Variants in HPSE2 observed in about 807,000 individuals in gnomAD.
HPSE2 encodes heparanase 2 (inactive), also known as inactive heparanase-2.
Under a neutral mutation model 60.5 loss-of-function variants are expected in HPSE2, and 38 were observed. The observed-to-expected ratio is 0.63, with a 90% CI of 0.48 to 0.82. The LOEUF (loss-of-function observed/expected upper bound fraction) is 0.82. Among genes scored for constraint, HPSE2 ranks in the 40% least tolerant of loss-of-function variants. The probability of loss-of-function intolerance (pLI) is 0.00; values close to 1 mark genes in which losing one functional copy is unlikely to be tolerated. For missense variants in HPSE2, 713 were observed against 740.4 expected (o/e 0.96, Z 0.43); for synonymous variants, 295 against 293.2 (o/e 1.01, Z -0.06).
intron 9 of HPSE2, among the ~76,000 whole-genome samples, chr10:98,550,780 A>AT (rs905479034): frequency 9.7e-5 from 14 of 145,048 alleles, no homozygotes; most frequent in South Asian, 2.2e-4. Flanking sequence ...GGCCTCTTAA[A>AT]TTTTTTTTTG....
chr10:98,744,969 G>A (rs964240234), intron 3 of HPSE2, among the ~76,000 whole-genome samples: 7 of 152,194 alleles, frequency 4.6e-5, no homozygotes, highest in Non-Finnish European at 4.4e-5. Context: ...TTGGGAGGCC[G>A]AGGCGGGTGG....
At chr10:98,945,416 T>C (rs1038001013) in intron 3 of HPSE2, among the ~76,000 whole-genome samples, 2 of 152,176 alleles carry the variant, frequency 1.3e-5, no homozygotes, top group African/African-American at 4.8e-5. Context: ...CTACTTATCA[T>C]ATTTGTAGAT....
the HPSE2 span, among the ~76,000 whole-genome samples, chr10:99,296,331 G>A: frequency 1.3e-5 from 2 of 152,128 alleles, no homozygotes; most frequent in East Asian, 1.9e-4. Context: ...ACAGGGCCAG[G>A]GTGGAAGCAG....
rs1554950578 is a variant in HPSE2, at chr10:98,600,926, T to TATATATATATATATAAA, written c.1320+13977_1320+13978insTTTATATATATATATAT. ...ATGTGTGTGTGTATATATATATATATATATATATATATATAGAAAGAGAGA... is the reference window on the plus strand; with the variant it reads ...ATGTGTGTGTGTATATATATATATATATATATATATATATAAAATATATATATATATAGAAAGAGAGA... On this transcript the variant is annotated intron_variant, in intron 9 of 11. Transcript: ENST00000370552. Among the ~76,000 whole-genome samples, 6 of 107,902 alleles carry TATATATATATATATAAA rather than the reference T, an allele frequency of 5.6e-5. No individual in the cohort carries two copies. In the East Asian group the frequency reaches 8.5e-4, roughly 15 times the overall value. 70.8% of individuals were successfully genotyped at this position (107,902 alleles called of 152,430 possible). A position where few individuals can be genotyped will look rare whatever the true frequency, so the allele number is the denominator to read the frequency against.
At chr10:99,060,604 G>A (rs1364425384) in intron 3 of HPSE2, among the ~76,000 whole-genome samples, 3 of 135,306 alleles carry the variant, frequency 2.2e-5, no homozygotes, top group African/African-American at 5.4e-5. Context: ...GTTGAGGTAA[G>A]CTGAGATTGG....
chr10:98,649,411 G>A (rs1174752947), intron 6 of HPSE2, among the ~76,000 whole-genome samples: 6 of 152,280 alleles, frequency 3.9e-5, no homozygotes, highest in Non-Finnish European at 7.4e-5. Flanking sequence ...GTATTAGTAA[G>A]TAGGAAACCA....
chr10:99,019,014 C>T lies in HPSE2; in HGVS notation c.610+125224G>A, dbSNP rs575206037. On this transcript the variant is annotated intron_variant, in intron 3 of 11. Coordinates refer to ENST00000370552, the MANE Select transcript of HPSE2 (RefSeq NM_021828.5). Reference sequence around the variant, plus strand: ...AATGCATACTCAACATATGCAAAAGCTTTAAGCCAGAGTAAAGCCGGCTGC... The same window carrying T: ...AATGCATACTCAACATATGCAAAAGTTTTAAGCCAGAGTAAAGCCGGCTGC... Among the ~76,000 whole-genome samples the T allele has an allele frequency of 7.4e-4, 112 of 152,156 alleles. 1 individual carries two copies. The highest frequency in any genetic ancestry group is 1.4e-3 in the South Asian group (7 of 4,832).
At chr10:98,739,638 G>C (rs1231213385) in intron 4 of HPSE2, among the ~76,000 whole-genome samples, 1 of 152,032 alleles carries the variant, frequency 6.6e-6, no homozygotes, top group Non-Finnish European at 1.5e-5. Flanking sequence ...AAATTACTTA[G>C]TAGACAGGCT....
At chr10:98,545,209 A>T (rs2615205) in intron 9 of HPSE2, among the ~76,000 whole-genome samples, 16 of 151,742 alleles carry the variant, frequency 1.1e-4, no homozygotes, top group Middle Eastern at 3.4e-3. Context: ...ATTCACAGCC[A>T]AATTCTACCA....
At chr10:98,600,626 G>A (rs1214968205) in intron 9 of HPSE2, among the ~76,000 whole-genome samples, 2 of 151,576 alleles carry the variant, frequency 1.3e-5, no homozygotes, top group Non-Finnish European at 1.5e-5. Flanking sequence ...ACAAACAGAT[G>A]AACTGCAATG....
intron 7 of HPSE2, among the ~76,000 whole-genome samples, chr10:98,634,058 T>C (rs1306603048): frequency 6.6e-6 from 1 of 152,234 alleles, no homozygotes; most frequent in African/African-American, 2.4e-5. Context: ...ACTATGTCTA[T>C]ACATAGGCAT....
chr10:98,987,381 A>G (rs866835313), intron 3 of HPSE2, among the ~76,000 whole-genome samples: 17 of 152,288 alleles, frequency 1.1e-4, no homozygotes, highest in African/African-American at 2.9e-4. Flanking sequence ...TATAAACAGA[A>G]CCAAAGACAA....
chr10:99,089,286 T>C (rs1467722389), intron 3 of HPSE2, among the ~76,000 whole-genome samples: 1 of 152,248 alleles, frequency 6.6e-6, no homozygotes, highest in Non-Finnish European at 1.5e-5. Context: ...TGTTATCTTC[T>C]AGAATCTTTA....
the HPSE2 span, among the ~76,000 whole-genome samples, chr10:99,250,896 A>C: frequency 6.6e-6 from 1 of 152,288 alleles, no homozygotes; most frequent in Non-Finnish European, 1.5e-5. Context: ...AATAGCTACC[A>C]CAAAAAAATT....
In HPSE2 at chr10:98,789,130, C is replaced by G. The variant is rs535538156; in HGVS notation, c.611-45074G>C. Among the ~76,000 whole-genome samples, 7 of 152,260 alleles carry G rather than the reference C, an allele frequency of 4.6e-5. No individual in the cohort carries two copies. The East Asian group carries it at 1.4e-3, about 29-fold the overall frequency. ...TTTGTATCTGTTTGGTTTGTTACAG[C>G]CCGGTGATACAGGGCTTGGAACATG... On this transcript the variant is annotated intron_variant, in intron 3 of 11. Transcript: ENST00000370552.
At chr10:98,510,120 T>A (rs1018061528) in intron 9 of HPSE2, among the ~76,000 whole-genome samples, 7 of 152,212 alleles carry the variant, frequency 4.6e-5, no homozygotes, top group Non-Finnish European at 8.8e-5. Flanking sequence ...AGTTCTGAAG[T>A]TTTTTTAATC....
At position 98,806,720 on chromosome 10, in the gene HPSE2, G is replaced by T. The variant is rs536978392; in HGVS notation, c.611-62664C>A. On this transcript the variant is annotated intron_variant, in intron 3 of 11. Transcript: ENST00000370552. Reference sequence around the variant, plus strand: ...GTAACTAGACTGTTATGTGAATGTTGTGTAACATATTTCATGTCTCTAATT... The same window carrying T: ...GTAACTAGACTGTTATGTGAATGTTTTGTAACATATTTCATGTCTCTAATT... Among the ~76,000 whole-genome samples, 8 of 152,314 alleles carry T rather than the reference G, an allele frequency of 5.3e-5. No individual in the cohort carries two copies. The South Asian group carries it at 1.7e-3, about 32-fold the overall frequency.
intron 3 of HPSE2, among the ~76,000 whole-genome samples, chr10:99,114,901 C>CA (rs1223188167): frequency 0.047 from 2,539 of 54,084 alleles, 58 homozygotes; most frequent in African/African-American, 0.12. Flanking sequence ...GACTCCGTCT[C>CA]AAAAAAAAAA....
chr10:99,020,696 G>C (rs1957242800), intron 3 of HPSE2, among the ~76,000 whole-genome samples: 1 of 152,194 alleles, frequency 6.6e-6, no homozygotes, highest in South Asian at 2.1e-4. Flanking sequence ...CTAAACTTTT[G>C]TGAAGAACAC....
Sources: allele counts gnomAD v4.1 joint callset (sites outside exome capture counted in the v4.1 genomes callset), GRCh38; gene constraint gnomAD v4.1.1; transcripts MANE v1.5; gene names NCBI Gene and HGNC (gene_info 2026-07-23, HGNC 2026-07-21).